The following CREBBP variants were observed in gnomAD, a reference collection of about 807,000 sequenced individuals.
The protein encoded by CREBBP is CREB binding lysine acetyltransferase, also known as CREB-binding protein.
In CREBBP, 19 loss-of-function variants were observed where a neutral mutation model predicts 265.0. The observed-to-expected ratio is 0.07, with a 90% CI of 0.05 to 0.11. The LOEUF is 0.11. Ranked by LOEUF, CREBBP falls within the 10% of genes least tolerant of loss-of-function variation. The probability of loss-of-function intolerance (pLI) is 1.00; values close to 1 mark genes in which losing one functional copy is unlikely to be tolerated. For missense variants in CREBBP, 2,525 were observed against 3,219.0 expected (o/e 0.78, Z 5.22); for synonymous variants, 1,457 against 1,223.7 (o/e 1.19, Z -3.98).
At chr16:3,831,660 G>A (rs1392745028) in intron 2 of CREBBP, among the ~76,000 whole-genome samples, 1 of 152,034 alleles carries the variant, frequency 6.6e-6, no homozygotes, top group Non-Finnish European at 1.5e-5. Context: ...AGAAAAACAA[G>A]AGAGCACACC....
intron 2 of CREBBP, among the ~76,000 whole-genome samples, chr16:3,843,195 G>A (rs1354815110): frequency 6.6e-6 from 1 of 152,164 alleles, no homozygotes; most frequent in Non-Finnish European, 1.5e-5. Context: ...GTGGATGCAA[G>A]CCTGGTTCTG....
At chr16:3,875,460 G>T (rs776828768) in intron 1 of CREBBP, among the ~76,000 whole-genome samples, 1 of 152,068 alleles carries the variant, frequency 6.6e-6, no homozygotes, top group Non-Finnish European at 1.5e-5. Context: ...GCCCACACAC[G>T]TCACGCTGAG....
At chr16:3,757,195 T>C (rs1389930501) in intron 19 of CREBBP, 93 bp downstream of exon 19, 7 of 1,149,090 alleles carry the variant, frequency 6.1e-6, no homozygotes, top group African/African-American at 1.5e-5. Flanking sequence ...CACTTTTTAT[T>C]GGAACTTCAG....
In CREBBP at chr16:3,731,519, C is replaced by A; in HGVS notation, c.4891-46G>T. 6.4e-7 allele frequency: 1 copy of A among 1,555,150 alleles called. No individual in the cohort carries two copies. ...TAGTCCCACACAAGGGACATGGCAC[C>A]TCCAGTGGTGAGCTCAGGGCAGGCG... On this transcript the variant is annotated intron_variant, in intron 29 of 30. Coordinates refer to ENST00000262367, the MANE Select transcript of CREBBP (RefSeq NM_004380.3). This position sits in a 1 kb window ranked among gnomAD's most constrained non-coding sequence, Gnocchi z 7.7.
intron 3 of CREBBP, among the ~76,000 whole-genome samples, chr16:3,798,967 G>GGT (rs1315312788): frequency 2.0e-5 from 3 of 152,048 alleles, no homozygotes; most frequent in African/African-American, 7.2e-5. Flanking sequence ...AACAAAACAC[G>GGT]GTGTATAACC....
intron 1 of CREBBP, among the ~76,000 whole-genome samples, chr16:3,874,256 C>A (rs1171202597): frequency 6.6e-6 from 1 of 152,206 alleles, no homozygotes; most frequent in Non-Finnish European, 1.5e-5. Flanking sequence ...TGAAGTGCTC[C>A]AAGACAGGAG....
intron 2 of CREBBP, among the ~76,000 whole-genome samples, chr16:3,848,672 C>T (rs1453421155): frequency 6.6e-6 from 1 of 151,986 alleles, no homozygotes; most frequent in Non-Finnish European, 1.5e-5. Flanking sequence ...ACTATTATGT[C>T]GACTTCATAT....
rs2141198343 is a variant in CREBBP, at chr16:3,770,570, C to T, written c.2880G>A (p.Pro960=). ...AAACAGCAGAGACAGAGAGGCTTAC[C>T]GGTGTGCCAGGAGGCTGGGCGTGCA... ...TPVHAQPPGT[P]LSQAAASIDN... Residue 960 remains proline, a splice_region_variant and synonymous_variant, in exon 14 of 31, where the codon CCG becomes CCA. Coordinates refer to ENST00000262367, the MANE Select transcript of CREBBP (RefSeq NM_004380.3). The T allele has an allele frequency of 6.2e-7, 1 of 1,612,768 alleles. No individual in the cohort carries two copies. The highest frequency in any genetic ancestry group is 8.5e-7 in the Non-Finnish European group (1 of 1,179,932).
rs2052476140 is a variant in CREBBP at position 3,751,633 on chromosome 16, C to T, written c.3779+93G>A. On this transcript the variant is annotated intron_variant, in intron 20 of 30. Transcript: ENST00000262367. Reference sequence around the variant, plus strand: ...AAACATTGCAAGGAAGTCAAAATGGCACCGGTACCTTCCTTATAGTCATTG... The same window carrying T: ...AAACATTGCAAGGAAGTCAAAATGGTACCGGTACCTTCCTTATAGTCATTG... 1.6e-5 allele frequency: 20 copies of T among 1,259,324 alleles called. No homozygotes were observed. The South Asian group carries it at 2.3e-4, about 14-fold the overall frequency. The allele number at this position is 1,259,324 out of a possible 1,614,324, so 78.0% of individuals were successfully genotyped here. A position where few individuals can be genotyped will look rare whatever the true frequency, so the allele number is the denominator to read the frequency against.
intron 1 of CREBBP, among the ~76,000 whole-genome samples, chr16:3,860,136 G>A (rs2055044146): frequency 6.6e-6 from 1 of 152,074 alleles, no homozygotes; most frequent in Admixed American, 6.6e-5. Context: ...GTGGCTGGGG[G>A]CATCTCCACA....
chr16:3,768,136 G>GTTTTTTTTTTTTTTTTT (rs71133655), intron 15 of CREBBP, among the ~76,000 whole-genome samples: 1 of 51,610 alleles, frequency 1.9e-5, no homozygotes, highest in African/African-American at 6.7e-5. Context: ...ATTTAAAAGT[G>GTTTTTTTTTTTTTTTTT]TTTTTTTTTT....
intron 5 of CREBBP, among the ~76,000 whole-genome samples, chr16:3,783,719 G>A (rs1349909452): frequency 6.6e-6 from 1 of 152,196 alleles, no homozygotes; most frequent in East Asian, 1.9e-4. Flanking sequence ...TGCCTCACGT[G>A]GCCAAAGTCA....
At chr16:3,874,710 G>C (rs1286536509) in intron 1 of CREBBP, among the ~76,000 whole-genome samples, 1 of 152,178 alleles carries the variant, frequency 6.6e-6, no homozygotes, top group Non-Finnish European at 1.5e-5. Context: ...TGCCCAATCA[G>C]GACACCAAGG....
intron 28 of CREBBP, 135 bp downstream of exon 28, chr16:3,735,901 G>C: frequency 7.3e-7 from 1 of 1,370,924 alleles, no homozygotes. Flanking sequence ...CTGTGCTGCA[G>C]GTGGTGTCGA....
chr16:3,762,739 C>T (rs549468152), intron 16 of CREBBP, among the ~76,000 whole-genome samples: 99 of 152,048 alleles, frequency 6.5e-4, no homozygotes, highest in Non-Finnish European at 1.3e-3. Context: ...AATAATATTA[C>T]AAAAAATAAA....
intron 7 of CREBBP, 81 bp downstream of exon 7, chr16:3,781,123 C>T (rs1019364080): frequency 1.5e-6 from 2 of 1,350,804 alleles, no homozygotes; most frequent in African/African-American, 2.9e-5. Context: ...CTCTGCCACA[C>T]ATTTAGAAAG....
At chr16:3,823,577 G>A (rs2054180705) in intron 2 of CREBBP, among the ~76,000 whole-genome samples, 1 of 152,144 alleles carries the variant, frequency 6.6e-6, no homozygotes, top group Non-Finnish European at 1.5e-5. Context: ...CAAAAAGCCA[G>A]GCGTGGCTCT....
rs780005101 is a variant in CREBBP, at chr16:3,800,307, C to CAG, written c.976-6683_976-6682dup. 1.1e-4 allele frequency among the ~76,000 whole-genome samples: 16 copies of CAG among 152,080 alleles called. No individual in the cohort carries two copies. In the East Asian group the frequency reaches 1.7e-3, roughly 17 times the overall value. On this transcript the variant is annotated intron_variant, in intron 3 of 30. Coordinates refer to ENST00000262367, the MANE Select transcript of CREBBP (RefSeq NM_004380.3). ...TAAGTTTTAAAATTTTTTGTAGAGA[C>CAG]AGAGTCTTGCCATGTTGTTCGAGCT...
chr16:3,739,854 G>T, intron 24 of CREBBP, 130 bp from the exon 25 acceptor site: 1 of 1,310,066 alleles, frequency 7.6e-7, no homozygotes, highest in Non-Finnish European at 1.1e-6. Flanking sequence ...TCAGACCGTG[G>T]CCTGGAGTCC....
Sources: allele counts gnomAD v4.1 joint callset (sites outside exome capture counted in the v4.1 genomes callset), GRCh38; gene constraint gnomAD v4.1.1; non-coding constraint Gnocchi (gnomAD v3.1); transcripts MANE v1.5; gene names NCBI Gene and HGNC (gene_info 2026-07-23, HGNC 2026-07-21).